TMEM266: variants seen among roughly 807,000 people sequenced by gnomAD.
TMEM266 encodes Hv1 related protein 1.
In TMEM266, 33 loss-of-function variants were observed where a neutral mutation model predicts 50.5. That is an observed-to-expected ratio of 0.65 (90% CI 0.50 to 0.87). TMEM266 has a LOEUF of 0.87. Among genes scored for constraint, TMEM266 ranks in the 40% least tolerant of loss-of-function variants. The pLI is 0.00. For missense variants in TMEM266, 655 were observed against 695.1 expected, an observed-to-expected ratio of 0.94 and a Z score of 0.65; for synonymous variants, 310 against 292.3, an observed-to-expected ratio of 1.06 and a Z score of -0.62.
At position 76,203,770 on chromosome 15, in the gene TMEM266, A is replaced by G. The variant is rs1384591676; in HGVS notation, c.1051A>G (p.Met351Val). Reference sequence around the variant, plus strand: ...CGGTGTCCCAGAGCCAGCTGTGTGTATGGTCACCACGGCCGCAATAGACAT... The same window carrying G: ...CGGTGTCCCAGAGCCAGCTGTGTGTGTGGTCACCACGGCCGCAATAGACAT... Residue 351 changes from methionine (M) to valine (V), a missense_variant, in exon 11 of 11, where the codon ATG becomes GTG. This residue lies in a region of TMEM266 where 455 missense variants were observed against 401.8 expected (regional missense o/e 1.13). Coordinates refer to ENST00000388942, the MANE Select transcript of TMEM266 (RefSeq NM_152335.3). 3 of 1,614,004 alleles carry G rather than the reference A, an allele frequency of 1.9e-6. No individual in the cohort carries two copies. The highest frequency in any genetic ancestry group is 2.5e-6 in the Non-Finnish European group (3 of 1,179,918).
intron 3 of TMEM266, among the ~76,000 whole-genome samples, chr15:76,146,482 G>A (rs567135971): frequency 6.6e-6 from 1 of 152,122 alleles, no homozygotes; most frequent in Non-Finnish European, 1.5e-5. Flanking sequence ...TCGGGTCTTG[G>A]GCAGATATAA....
intron 3 of TMEM266, among the ~76,000 whole-genome samples, chr15:76,138,275 TC>T: frequency 6.8e-6 from 1 of 147,058 alleles, no homozygotes; most frequent in South Asian, 2.2e-4. Context: ...ATGGATATCT[TC>T]CAAGAAGCAG....
chr15:76,180,096 T>A (rs1480928191), intron 8 of TMEM266, among the ~76,000 whole-genome samples: 1 of 152,200 alleles, frequency 6.6e-6, no homozygotes, highest in Non-Finnish European at 1.5e-5. Context: ...TTAGAACAGT[T>A]TTATATTGAC....
intron 1 of TMEM266, among the ~76,000 whole-genome samples, chr15:76,098,927 C>T (rs990507440): frequency 6.6e-6 from 1 of 152,092 alleles, no homozygotes; most frequent in Non-Finnish European, 1.5e-5. Flanking sequence ...CCCCTCCCCC[C>T]CACCAAGCTA....
intron 7 of TMEM266, among the ~76,000 whole-genome samples, chr15:76,172,101 C>T (rs1202450611): frequency 6.6e-6 from 1 of 152,160 alleles, no homozygotes; most frequent in Non-Finnish European, 1.5e-5. Flanking sequence ...GGCTGGTCAG[C>T]CTCCAAGAGA....
chr15:76,079,245 C>G (rs62027656), intron 1 of TMEM266, among the ~76,000 whole-genome samples: 3 of 150,346 alleles, frequency 2.0e-5, no homozygotes, highest in African/African-American at 4.9e-5. Flanking sequence ...CCCAGCTACT[C>G]GGGAGGCTGA....
chr15:76,160,728 G>GT lies in TMEM266; in HGVS notation c.456+561dup, dbSNP rs1675938175. Among the ~76,000 whole-genome samples, 2 of 152,244 alleles carry GT rather than the reference G, an allele frequency of 1.3e-5. No homozygotes were observed. The highest frequency in any genetic ancestry group is 4.8e-5 in the African/African-American group (2 of 41,474). ...TGCCTCTCAGTGTGAGTGCGAGGCTGTATTTCCGAGGTGGGGGCTCAGGGA... is the reference window on the plus strand; with the variant it reads ...TGCCTCTCAGTGTGAGTGCGAGGCTGTTATTTCCGAGGTGGGGGCTCAGGGA... On this transcript the variant is annotated intron_variant, in intron 5 of 10. Transcript: ENST00000388942. The surrounding 1 kb of genome is among the most constrained non-coding windows in gnomAD (Gnocchi z 5.7).
Position 76,134,202 on chromosome 15 carries a change from G to A in TMEM266, c.-62G>A, listed in dbSNP as rs188062903. On this transcript the variant is annotated 5_prime_UTR_variant, in exon 2 of 11. Coordinates refer to ENST00000388942, the MANE Select transcript of TMEM266 (RefSeq NM_152335.3). ...TTTGTATGTGTCTTGTAGAACCCAC[G>A]CTTGGAAATGCTGACAGCAGGCTTC... The A allele has an allele frequency of 4.6e-3, 7,284 of 1,571,182 alleles. 22 individuals are homozygous for A. Among genetic ancestry groups the A allele is most frequent in the Middle Eastern group, 6.1e-3 (36 of 5,946 alleles).
In TMEM266 at chr15:76,139,657, G is replaced by A. The variant is rs1005948642; in HGVS notation, c.227+1762G>A. ...CTCTGAGCACCCAGCAAGTCACTGC[G>A]TCACTGCTCTCTGGTGGTCAAAAGC... On this transcript the variant is annotated intron_variant, in intron 3 of 10. Transcript: ENST00000388942. The surrounding 1 kb of genome is among the most constrained non-coding windows in gnomAD (Gnocchi z 4.1). 6.6e-6 allele frequency among the ~76,000 whole-genome samples: 1 copy of A among 152,240 alleles called. No homozygotes were observed. Among genetic ancestry groups the A allele is most frequent in the African/African-American group, 2.4e-5 (1 of 41,466 alleles).
Position 76,204,343 on chromosome 15 carries a change from G to A in TMEM266, c.*28G>A, listed in dbSNP as rs2038803376. The A allele has an allele frequency of 2.6e-6, 4 of 1,555,414 alleles. No individual in the cohort carries two copies. The Admixed American group carries it at 7.2e-5, about 28-fold the overall frequency. On this transcript the variant is annotated 3_prime_UTR_variant, in exon 11 of 11. Coordinates refer to ENST00000388942, the MANE Select transcript of TMEM266 (RefSeq NM_152335.3). ...CCTGCCATGGGCTGGGTGAGATGAG[G>A]GGAGACAGCCATCTCAAAGCTCTCC...
At chr15:76,165,423 GT>G (rs1227733477) in intron 5 of TMEM266, among the ~76,000 whole-genome samples, 1 of 152,236 alleles carries the variant, frequency 6.6e-6, no homozygotes, top group Non-Finnish European at 1.5e-5. Flanking sequence ...ATCCTTGAGT[GT>G]TTGCCAAGGC....
At chr15:76,150,069 C>T (rs2037814550) in intron 3 of TMEM266, among the ~76,000 whole-genome samples, 1 of 152,198 alleles carries the variant, frequency 6.6e-6, no homozygotes, top group African/African-American at 2.4e-5. Context: ...CCAAATTACC[C>T]AATCCTGGGG....
Position 76,204,177 on chromosome 15 carries a change from C to G in TMEM266, c.1458C>G (p.Asn486Lys). ...TGGAACACAGGGTAAGTCTGTTCAA[C>G]CAGAAGAACCAGGAGGGCTTCACTG... is the stretch of plus-strand genomic sequence containing the variant. The change falls in exon 11 of 11, where the codon AAC becomes AAG. Residue 486 changes from asparagine to lysine, a missense_variant. Around this residue, in one of 3 missense-constraint regions of TMEM266, gnomAD observed 455 missense variants for 401.8 expected, o/e 1.13. Coordinates refer to ENST00000388942, the MANE Select transcript of TMEM266 (RefSeq NM_152335.3). The G allele has an allele frequency of 6.2e-7, 1 of 1,613,782 alleles. No individual in the cohort carries two copies.
intron 1 of TMEM266, among the ~76,000 whole-genome samples, chr15:76,095,051 A>T (rs28787589): frequency 0.037 from 5,613 of 152,140 alleles, 459 homozygotes; most frequent in Admixed American, 0.2. Flanking sequence ...CAGTCATGTC[A>T]TCTGCAAACA....
chr15:76,102,206 T>C (rs920496516), intron 1 of TMEM266, among the ~76,000 whole-genome samples: 3 of 152,228 alleles, frequency 2.0e-5, no homozygotes, highest in Non-Finnish European at 4.4e-5. Flanking sequence ...CAACTATTTC[T>C]TGAGCAGCTT....
At chr15:76,196,458 T>C (rs148615889) in intron 9 of TMEM266, among the ~76,000 whole-genome samples, 18 of 152,278 alleles carry the variant, frequency 1.2e-4, no homozygotes, top group African/African-American at 3.4e-4. Context: ...AGCTGATCTC[T>C]CCTTGACCAG....
At position 76,161,100 on chromosome 15, in the gene TMEM266, G is replaced by A. The variant is rs952271147; in HGVS notation, c.456+932G>A. ...AACTGGTTTCTCCTAACAGAGCCTAGGACTGGCCCAAGTCAGCGGGCCACT... is the reference window on the plus strand; with the variant it reads ...AACTGGTTTCTCCTAACAGAGCCTAAGACTGGCCCAAGTCAGCGGGCCACT... On this transcript the variant is annotated intron_variant, in intron 5 of 10. Coordinates refer to ENST00000388942, the MANE Select transcript of TMEM266 (RefSeq NM_152335.3). The surrounding 1 kb of genome is among the most constrained non-coding windows in gnomAD (Gnocchi z 4.1). Among the ~76,000 whole-genome samples the A allele has an allele frequency of 6.6e-6, 1 of 152,162 alleles. No individual in the cohort carries two copies. The highest frequency in any genetic ancestry group is 6.5e-5 in the Admixed American group (1 of 15,276).
chr15:76,175,277 G>T (rs988058808), intron 7 of TMEM266: 8 of 307,030 alleles, frequency 2.6e-5, no homozygotes, highest in Non-Finnish European at 4.9e-5. Context: ...TGCAAAGGAG[G>T]CTGGAAAATA....
At chr15:76,196,209 T>A (rs1031674696) in intron 9 of TMEM266, among the ~76,000 whole-genome samples, 2 of 152,102 alleles carry the variant, frequency 1.3e-5, no homozygotes. Flanking sequence ...TGCAGATGCT[T>A]CTCCGTCCAG....
Sources: allele counts gnomAD v4.1 joint callset (sites outside exome capture counted in the v4.1 genomes callset), GRCh38; gene constraint gnomAD v4.1.1; regional missense constraint gnomAD v4.1.1; non-coding constraint Gnocchi (gnomAD v3.1); transcripts MANE v1.5; gene names NCBI Gene and HGNC (gene_info 2026-07-23, HGNC 2026-07-21).